Variants in VIRMA observed in about 807,000 individuals in gnomAD.
VIRMA encodes protein virilizer homolog.
VIRMA carries 65 observed loss-of-function variants against 182.4 expected under a neutral mutation model. That is an observed-to-expected ratio of 0.36 (90% CI 0.29 to 0.44). VIRMA has a LOEUF of 0.44. Ranked by LOEUF, VIRMA falls within the 20% of genes least tolerant of loss-of-function variation. The pLI is 1.00. For missense variants in VIRMA, 1,752 were observed against 2,158.1 expected, an observed-to-expected ratio of 0.81 and a Z score of 3.73; for synonymous variants, 709 against 743.1, an observed-to-expected ratio of 0.95 and a Z score of 0.75.
At position 94,527,360 on chromosome 8, in the gene VIRMA, T is replaced by G. The variant is rs565836368; in HGVS notation, c.884A>C (p.Asp295Ala). The G allele has an allele frequency of 6.5e-7, 1 of 1,547,878 alleles. No homozygotes were observed. Among genetic ancestry groups the G allele is most frequent in the East Asian group, 2.3e-5 (1 of 44,044 alleles). ...EGEEDEEGEG[D>A]DGYEQISSDE... Reference sequence around the variant, plus strand: ...ACTGGAAATTTGTTCATAACCATCATCCCCTGAAAATTAGTATGAATAATA... The same window carrying G: ...ACTGGAAATTTGTTCATAACCATCAGCCCCTGAAAATTAGTATGAATAATA... The change falls in exon 8 of 24, where the codon GAT (aspartate) becomes GCT (alanine). Residue 295 changes from aspartate (D) to alanine (A), a missense_variant. By Grantham distance (126) the Asp-to-Ala change is moderately radical. Coordinates refer to ENST00000297591, the MANE Select transcript of VIRMA (RefSeq NM_015496.5).
intron 11 of VIRMA, among the ~76,000 whole-genome samples, chr8:94,514,074 T>C (rs1007206527): frequency 7.0e-6 from 1 of 142,450 alleles, no homozygotes; most frequent in African/African-American, 2.4e-5. Context: ...AGATGGCTTA[T>C]ATACTCTCTC....
At chr8:94,523,138 A>C (rs1825317666) in intron 8 of VIRMA, among the ~76,000 whole-genome samples, 1 of 152,212 alleles carries the variant, frequency 6.6e-6, no homozygotes, top group African/African-American at 2.4e-5. Context: ...TTATATTTGC[A>C]TACTTACAAG....
rs1814673396 is a variant in VIRMA at position 94,519,300 on chromosome 8, C to T, written c.2198G>A (p.Arg733Gln). Residue 733 changes from arginine (R) to glutamine (Q), a missense_variant, in exon 9 of 24, where the codon CGA (arginine) becomes CAA (glutamine). Arg to Gln is a conservative substitution (Grantham distance 43, BLOSUM62 1). Around this residue, in one of 11 missense-constraint regions of VIRMA, gnomAD observed 45 missense variants for 91.0 expected, o/e 0.49. Transcript: ENST00000297591. ...TTGATCATAAAAGTGACACAGAGCT[C>T]GGATCAATAAATTTGTTGCTTCATA... ...SEYEATNLLI[R>Q]ALCHFYDQDE... 6.2e-7 allele frequency: 1 copy of T among 1,613,346 alleles called. No individual in the cohort carries two copies. Among genetic ancestry groups the T allele is most frequent in the Non-Finnish European group, 8.5e-7 (1 of 1,179,850 alleles).
At chr8:94,542,582 C>T (rs983122793) in intron 2 of VIRMA, among the ~76,000 whole-genome samples, 4 of 152,148 alleles carry the variant, frequency 2.6e-5, no homozygotes, top group Non-Finnish European at 5.9e-5. Flanking sequence ...AAAAGCAGTA[C>T]AATTAGAGAA....
intron 19 of VIRMA, among the ~76,000 whole-genome samples, chr8:94,495,346 A>G (rs1163893862): frequency 6.6e-6 from 1 of 152,136 alleles, no homozygotes; most frequent in East Asian, 1.9e-4. Context: ...GGTACAATTA[A>G]AATTATTACT....
intron 2 of VIRMA, among the ~76,000 whole-genome samples, chr8:94,540,457 TTTTC>T (rs1387457739): frequency 7.1e-6 from 1 of 140,130 alleles, no homozygotes; most frequent in East Asian, 2.0e-4. Context: ...CTTTTTCTTC[TTTTC>T]TTTTTTTTTT....
In VIRMA at chr8:94,509,897, T is replaced by C. The variant is rs1814304747; in HGVS notation, c.3670A>G (p.Arg1224Gly). 4.3e-6 allele frequency: 7 copies of C among 1,613,826 alleles called. No individual in the cohort carries two copies. The highest frequency in any genetic ancestry group is 5.9e-6 in the Non-Finnish European group (7 of 1,179,810). ...AGAGCATCAAGAAGAGCAAGCAACC[T>C]GGTGGTTTGGCTAGTATACTGTTTT... is the stretch of plus-strand genomic sequence containing the variant. ...KEKQYTSQTT[R>G]LLALLDALAS... is the part of the protein sequence containing the mutation. The change falls in exon 15 of 24, where the codon AGG becomes GGG. Residue 1224 changes from arginine (R) to glycine (G), a missense_variant. Physicochemically the swap from Arg to Gly is moderately radical, Grantham distance 125. Coordinates refer to ENST00000297591, the MANE Select transcript of VIRMA (RefSeq NM_015496.5).
intron 17 of VIRMA, chr8:94,497,766 T>C (rs1470299782): frequency 6.6e-6 from 1 of 152,262 alleles, no homozygotes; most frequent in Non-Finnish European, 1.5e-5. Context: ...ATCCCAGCAC[T>C]TTTGGGGGCT....
At chr8:94,547,205 T>A (rs1242724730) in intron 1 of VIRMA, 2 of 241,798 alleles carry the variant, frequency 8.3e-6, no homozygotes, top group East Asian at 2.4e-4. Flanking sequence ...CCTAGCATAT[T>A]CATTTAATAA....
chr8:94,492,897 C>T, intron 20 of VIRMA, 79 bp from the exon 21 acceptor site: 1 of 1,143,982 alleles, frequency 8.7e-7, no homozygotes, highest in East Asian at 2.6e-5. Flanking sequence ...ATTCTTATTA[C>T]CTATAAATTA....
chr8:94,512,945 A>G (rs1455322466), intron 11 of VIRMA, among the ~76,000 whole-genome samples: 6 of 152,182 alleles, frequency 3.9e-5, no homozygotes, highest in Admixed American at 3.9e-4. Flanking sequence ...AACAAATACA[A>G]TTGCCTATGT....
chr8:94,492,854 A>C, intron 20 of VIRMA, 36 bp from the exon 21 acceptor site: 1 of 1,506,820 alleles, frequency 6.6e-7, no homozygotes, highest in Non-Finnish European at 9.1e-7. Flanking sequence ...CACATATTAA[A>C]TGTAATTATT....
At chr8:94,533,076 T>TTTGTCTA (rs1311540582) in intron 5 of VIRMA, among the ~76,000 whole-genome samples, 1 of 151,528 alleles carries the variant, frequency 6.6e-6, no homozygotes, top group Non-Finnish European at 1.5e-5. Flanking sequence ...ATTTTTAGAG[T>TTTGTCTA]AACCACTACA....
At chr8:94,538,663 C>T (rs541232002) in intron 2 of VIRMA, among the ~76,000 whole-genome samples, 1 of 152,182 alleles carries the variant, frequency 6.6e-6, no homozygotes, top group Non-Finnish European at 1.5e-5. Context: ...AGCTGGAGTG[C>T]AATGGCAGGC....
rs1356350476 is a variant in VIRMA, at chr8:94,488,544, T to C, written c.*162A>G. ...GTACATACAAAGTTTGGATTTTTAT[T>C]GAAATCTTGTTAGGTATCAAACAAA... On this transcript the variant is annotated 3_prime_UTR_variant, in exon 24 of 24. Transcript: ENST00000297591. 1.7e-6 allele frequency: 1 copy of C among 577,376 alleles called. No homozygotes were observed. The highest frequency in any genetic ancestry group is 1.9e-5 in the African/African-American group (1 of 53,768). 35.8% of individuals were successfully genotyped at this position (577,376 alleles called of 1,614,324 possible).
At chr8:94,490,644 C>A (rs562519573) in intron 22 of VIRMA, among the ~76,000 whole-genome samples, 1 of 151,678 alleles carries the variant, frequency 6.6e-6, no homozygotes, top group African/African-American at 2.4e-5. Flanking sequence ...GTCAGGAGTT[C>A]GAGACCAGCC....
At chr8:94,537,049 A>G (rs1415664647) in intron 4 of VIRMA, 54 bp downstream of exon 4, 3 of 1,144,004 alleles carry the variant, frequency 2.6e-6, no homozygotes, top group East Asian at 2.3e-5. Context: ...AAAACTTTAA[A>G]TGGAGTTGAG....
chr8:94,552,465 T>C (rs531530388), intron 1 of VIRMA, among the ~76,000 whole-genome samples: 1 of 152,088 alleles, frequency 6.6e-6, no homozygotes, highest in East Asian at 1.9e-4. Context: ...AAAAGCTTGA[T>C]ACAAGAGCAC....
In VIRMA at chr8:94,530,944, G is replaced by C; in HGVS notation, c.607+19C>G. 1 of 1,596,872 alleles carries C rather than the reference G, an allele frequency of 6.3e-7. No homozygotes were observed. The highest frequency in any genetic ancestry group is 8.5e-7 in the Non-Finnish European group (1 of 1,173,278). ...CTATTAACTAGGGGGGAAAACCTTA[G>C]CACTGGTTTTATTTATACCTGGCAG... is the stretch of plus-strand genomic sequence containing the variant. On this transcript the variant is annotated intron_variant, in intron 6 of 23. Coordinates refer to ENST00000297591, the MANE Select transcript of VIRMA (RefSeq NM_015496.5).
Sources: gnomAD v4.1 joint callset for allele counts (sites outside exome capture counted in the v4.1 genomes callset) on GRCh38, gnomAD v4.1.1 for gene constraint, gnomAD v4.1.1 regional missense constraint, MANE v1.5 for transcripts, NCBI Gene and HGNC (gene_info 2026-07-23, HGNC 2026-07-21) for gene names.